The following AK3 variants were observed in gnomAD, a reference collection of about 807,000 sequenced individuals.
AK3 encodes the protein GTP:AMP phosphotransferase AK3, mitochondrial.
A neutral mutation model predicts 23.7 loss-of-function variants in AK3; 27 were observed. That is an observed-to-expected ratio of 1.14 (90% confidence interval 0.84 to 1.57). The LOEUF (loss-of-function observed/expected upper bound fraction) is 1.57. Ranked by LOEUF, AK3 falls within the 40% of genes most tolerant of loss-of-function variation. The pLI is 0.00. For missense variants in AK3, 406 were observed against 285.6 expected, an observed-to-expected ratio of 1.42 and a Z score of -3.04; for synonymous variants, 159 against 116.0, an observed-to-expected ratio of 1.37 and a Z score of -2.38.
At chr9:4,725,595 C>T (rs574554797) in intron 1 of AK3, among the ~76,000 whole-genome samples, 2 of 151,878 alleles carry the variant, frequency 1.3e-5, no homozygotes, top group East Asian at 3.9e-4. Context: ...ATGGTGAAAC[C>T]CCATCTCTTA....
chr9:4,721,566 C>A (rs924156147), intron 2 of AK3, among the ~76,000 whole-genome samples: 14 of 149,288 alleles, frequency 9.4e-5, no homozygotes, highest in Middle Eastern at 3.5e-3. Flanking sequence ...TCAAGCAATT[C>A]CCCTGTCTCA....
At chr9:4,721,398 GTCTCCATTAAAAAAAAAAAAAAAGTGCC>G (rs113276562) in intron 2 of AK3, among the ~76,000 whole-genome samples, 13,940 of 138,632 alleles carry the variant, frequency 0.1, 790 homozygotes, top group African/African-American at 0.17. Flanking sequence ...GCCAGACACT[GTCTCCATTAAAAAAAAAAAAAAAGTGCC>G]TACTCCTCAA....
intron 4 of AK3, among the ~76,000 whole-genome samples, chr9:4,715,232 A>AAAG (rs1335563886): frequency 6.6e-6 from 1 of 150,910 alleles, no homozygotes; most frequent in Non-Finnish European, 1.5e-5. Context: ...AAAAAAAAAA[A>AAAG]AAAAGAAAGA....
chr9:4,719,257 T>A lies in AK3; in HGVS notation c.322A>T (p.Ile108Phe). 6.2e-7 allele frequency: 1 copy of A among 1,611,918 alleles called. No homozygotes were observed. The highest frequency in any genetic ancestry group is 8.5e-7 in the Non-Finnish European group (1 of 1,179,792). Residue 108 changes from isoleucine to phenylalanine, a missense_variant, in exon 3 of 5, where the codon ATC (isoleucine) becomes TTC (phenylalanine). Coordinates refer to ENST00000381809, the MANE Select transcript of AK3 (RefSeq NM_016282.4). ...ACATTCAGGTTAATCACTGTGTCGA[T>A]CTGATAAGCTCTATCTAGGGCTTCT... is the stretch of plus-strand genomic sequence containing the variant. The part of the protein sequence containing the change: ...QAEALDRAYQ[I>F]DTVINLNVPF...
chr9:4,740,087 C>G (rs1051630847), intron 1 of AK3, among the ~76,000 whole-genome samples: 6 of 114,372 alleles, frequency 5.2e-5, no homozygotes, highest in Admixed American at 9.0e-5. Context: ...AGAAGGAAAA[C>G]AAAAGAAAAA....
upstream of AK3, chr9:4,741,269 C>T (rs1842427834): frequency 8.9e-6 from 5 of 560,288 alleles, no homozygotes; most frequent in South Asian, 5.6e-5. Context: ...CGCGGGACCC[C>T]GCTGTTGCGT....
At chr9:4,735,154 G>C (rs1842240649) in intron 1 of AK3, among the ~76,000 whole-genome samples, 1 of 149,064 alleles carries the variant, frequency 6.7e-6, no homozygotes, top group Non-Finnish European at 1.5e-5. Flanking sequence ...AACACCTTGA[G>C]AGGCTAAAGA....
chr9:4,717,244 T>G (rs1454167440), intron 4 of AK3, among the ~76,000 whole-genome samples: 1 of 152,128 alleles, frequency 6.6e-6, no homozygotes, highest in East Asian at 1.9e-4. Context: ...GGATCAGTAT[T>G]CAATAAGTAC....
chr9:4,740,827 G>A (rs1180719439), intron 1 of AK3, 110 bp downstream of exon 1: 5 of 1,275,616 alleles, frequency 3.9e-6, no homozygotes, highest in East Asian at 3.1e-5. Context: ...GCGGCGGGAG[G>A]GAAATGCCGC....
At chr9:4,741,306 C>T (rs1842429008), upstream of AK3, 2 of 427,914 alleles carry the variant, frequency 4.7e-6, no homozygotes, top group Non-Finnish European at 7.8e-6. Flanking sequence ...CCGGCGCACC[C>T]CCCGCCCCCG....
chr9:4,726,033 G>T (rs1236055124), intron 1 of AK3, among the ~76,000 whole-genome samples: 4 of 152,090 alleles, frequency 2.6e-5, no homozygotes, highest in African/African-American at 9.7e-5. Context: ...ACATTACATT[G>T]TAGTCTATTA....
At chr9:4,741,258 G>C (rs949166569), upstream of AK3, 3 of 658,182 alleles carry the variant, frequency 4.6e-6, no homozygotes, top group East Asian at 1.1e-4. Context: ...CGCCCAGACA[G>C]CGCGGGACCC....
At chr9:4,717,895 G>A (rs914319215) in intron 4 of AK3, among the ~76,000 whole-genome samples, 3 of 152,190 alleles carry the variant, frequency 2.0e-5, no homozygotes, top group African/African-American at 7.2e-5. Flanking sequence ...ACATAGCAGA[G>A]TATGGATGAG....
chr9:4,735,288 T>A (rs866120531), intron 1 of AK3, among the ~76,000 whole-genome samples: 1 of 59,594 alleles, frequency 1.7e-5, no homozygotes, highest in East Asian at 4.3e-4. Flanking sequence ...TATATACATA[T>A]ATAAATATAT....
At chr9:4,728,760 C>A (rs1481023175) in intron 1 of AK3, among the ~76,000 whole-genome samples, 1 of 149,186 alleles carries the variant, frequency 6.7e-6, no homozygotes, top group South Asian at 2.1e-4. Context: ...CTTTGGGAGG[C>A]CAAGGAAGGA....
chr9:4,739,765 A>T (rs1842380841), intron 1 of AK3, among the ~76,000 whole-genome samples: 1 of 152,042 alleles, frequency 6.6e-6, no homozygotes, highest in African/African-American at 2.4e-5. Flanking sequence ...CCCCATCGCT[A>T]CTAAAAATAC....
chr9:4,719,710 C>G (rs1219499604), intron 2 of AK3, among the ~76,000 whole-genome samples: 2 of 152,176 alleles, frequency 1.3e-5, no homozygotes, highest in South Asian at 2.1e-4. Context: ...CCTGCTACCT[C>G]TAACTGGGAC....
In AK3 at chr9:4,711,448, A is replaced by T. The variant is rs964510335; in HGVS notation, c.*1528T>A. 8 of 152,496 alleles carry T rather than the reference A, an allele frequency of 5.2e-5. No individual in the cohort carries two copies. The highest frequency in any genetic ancestry group is 1.2e-4 in the Non-Finnish European group (8 of 68,020). The allele number at this position is 152,496 out of a possible 1,614,324, so 9.4% of individuals were successfully genotyped here. A position where few individuals can be genotyped will look rare whatever the true frequency, so the allele number is the denominator to read the frequency against. On this transcript the variant is annotated 3_prime_UTR_variant, in exon 5 of 5. Coordinates refer to ENST00000381809, the MANE Select transcript of AK3 (RefSeq NM_016282.4). ...ATGAAGTGTTTCCTATATTTCTTTTAAAAAACCTTGGTTCATCTTGAAAGA... is the reference window on the plus strand; with the variant it reads ...ATGAAGTGTTTCCTATATTTCTTTTTAAAAACCTTGGTTCATCTTGAAAGA...
chr9:4,731,936 T>C (rs142070483), intron 1 of AK3, among the ~76,000 whole-genome samples: 32 of 152,094 alleles, frequency 2.1e-4, no homozygotes, highest in Admixed American at 8.5e-4. Context: ...AAACAGTAAA[T>C]CTATTTTCTT....
Sources: gnomAD v4.1 joint callset for allele counts (sites outside exome capture counted in the v4.1 genomes callset) on GRCh38, gnomAD v4.1.1 for gene constraint, MANE v1.5 for transcripts, NCBI Gene and HGNC (gene_info 2026-07-23, HGNC 2026-07-21) for gene names.